The following ODF2L variants were observed in gnomAD, a reference collection of about 807,000 sequenced individuals.
The protein encoded by ODF2L is outer dense fiber of sperm tails 2 like.
A neutral mutation model predicts 86.3 loss-of-function variants in ODF2L; 76 were observed. The observed-to-expected ratio is 0.88, with a 90% CI of 0.73 to 1.07. The LOEUF (loss-of-function observed/expected upper bound fraction) is 1.07. Ranked by LOEUF, ODF2L falls within the 50% of genes least tolerant of loss-of-function variation. The pLI is 0.00. For synonymous variants in ODF2L, 241 were observed against 231.3 expected, an observed-to-expected ratio of 1.04 and a Z score of -0.38; for missense variants, 748 against 717.4, an observed-to-expected ratio of 1.04 and a Z score of -0.49.
At position 86,363,926 on chromosome 1, in the gene ODF2L, A is replaced by G. The variant is rs76702363; in HGVS notation, c.1144-3390T>C. 1.9e-3 allele frequency among the ~76,000 whole-genome samples: 283 copies of G among 152,228 alleles called. 9 individuals carry two copies. In the East Asian group the frequency reaches 0.049, roughly 26 times the overall value. Reference sequence around the variant, plus strand: ...CAACTTTAAAATCTAAAACTATTCTAAAGTAATTAAAAGTAATAAAACACA... The same window carrying G: ...CAACTTTAAAATCTAAAACTATTCTGAAGTAATTAAAAGTAATAAAACACA... On this transcript the variant is annotated intron_variant, in intron 11 of 17. Transcript: ENST00000317336.
exon 18 of ODF2L, chr1:86,351,997 G>T: frequency 7.8e-7 from 1 of 1,288,916 alleles, no homozygotes; most frequent in Non-Finnish European, 9.9e-7. Context: ...AAGTCAAATG[G>T]TGAGTTAAAA....
intron 13 of ODF2L, 26 bp from the exon 13 acceptor site, chr1:86,356,628 G>A (rs1658586037): frequency 1.3e-6 from 2 of 1,594,676 alleles, no homozygotes; most frequent in Non-Finnish European, 8.6e-7. Context: ...AGGGAAATAA[G>A]TGCAAGATCA....
intron 4 of ODF2L, among the ~76,000 whole-genome samples, chr1:86,383,862 TTGA>T (rs1355518094): frequency 5.3e-5 from 8 of 151,722 alleles, no homozygotes; most frequent in African/African-American, 1.9e-4. Context: ...TGAGAAAATA[TTGA>T]TGATACAGTG....
At chr1:86,361,481 A>G (rs72949874) in intron 11 of ODF2L, among the ~76,000 whole-genome samples, 2,980 of 152,342 alleles carry the variant, frequency 0.02, 97 homozygotes, top group African/African-American at 0.069. Flanking sequence ...GACAGTCTAC[A>G]TGGACAATAT....
intron 7 of ODF2L, among the ~76,000 whole-genome samples, chr1:86,378,794 T>C (rs955451964): frequency 6.6e-6 from 1 of 151,966 alleles, no homozygotes; most frequent in Non-Finnish European, 1.5e-5. Context: ...CCTAGACAGA[T>C]GGGGATTCTG....
intron 3 of ODF2L, 63 bp downstream of exon 3, chr1:86,385,395 A>T: frequency 1.0e-6 from 1 of 992,900 alleles, no homozygotes; most frequent in Non-Finnish European, 1.5e-6. Flanking sequence ...ATGAGACCTC[A>T]GTTAATGCAT....
Position 86,351,782 on chromosome 1 carries a change from T to C in ODF2L, c.*409A>G, listed in dbSNP as rs192129943. On this transcript the variant is annotated 3_prime_UTR_variant, in exon 18 of 18. Transcript: ENST00000317336. Reference sequence around the variant, plus strand: ...TCTTATTTCCTTAAGCAGTGGTTTGTAGTTCTCCTTGAAGAGGTCCTTCAC... The same window carrying C: ...TCTTATTTCCTTAAGCAGTGGTTTGCAGTTCTCCTTGAAGAGGTCCTTCAC... 7 of 400,978 alleles carry C rather than the reference T, an allele frequency of 1.7e-5. No homozygotes were observed. The East Asian group carries it at 4.7e-4, about 27-fold the overall frequency. 24.8% of individuals were successfully genotyped at this position (400,978 alleles called of 1,614,324 possible).
exon 18 of ODF2L, chr1:86,350,230 A>G (rs1658031998): frequency 6.6e-6 from 1 of 152,382 alleles, no homozygotes; most frequent in Non-Finnish European, 1.5e-5. Context: ...TACATTAGGA[A>G]TTTCTAATGT....
At chr1:86,383,136 T>A in exon 5 of ODF2L, 1 of 1,555,084 alleles carries the variant, frequency 6.4e-7, no homozygotes, top group Middle Eastern at 1.7e-4. Flanking sequence ...AGACTTACAG[T>A]ATTTTCACTT....
chr1:86,376,386 C>T (rs760141242), exon 8 of ODF2L: 2 of 1,602,022 alleles, frequency 1.2e-6, no homozygotes, highest in Non-Finnish European at 1.7e-6. Flanking sequence ...TTCTTGATTG[C>T]AGGTTCCACT....
intron 1 of ODF2L, among the ~76,000 whole-genome samples, chr1:86,388,583 A>T (rs550481253): frequency 2.0e-5 from 3 of 151,974 alleles, no homozygotes; most frequent in Non-Finnish European, 2.9e-5. Context: ...CTTTTTTTTT[A>T]AATTCACCCC....
intron 11 of ODF2L, among the ~76,000 whole-genome samples, chr1:86,364,965 T>C (rs1390118754): frequency 6.6e-6 from 1 of 152,222 alleles, no homozygotes; most frequent in Non-Finnish European, 1.5e-5. Flanking sequence ...CTAGTGCTGC[T>C]AGTGTATTTT....
At chr1:86,358,552 A>G (rs1658768586) in intron 13 of ODF2L, 2 of 208,948 alleles carry the variant, frequency 9.6e-6, no homozygotes, top group African/African-American at 2.3e-5. Flanking sequence ...GAAAAATTAA[A>G]CATTTATGCT....
At chr1:86,396,218 G>A (rs150432008) in exon 1 of ODF2L, 2 of 152,562 alleles carry the variant, frequency 1.3e-5, no homozygotes, top group African/African-American at 4.8e-5. Context: ...AGGAAGGCAA[G>A]GGACGCGAGG....
chr1:86,365,777 G>A (rs1659364183), intron 11 of ODF2L, among the ~76,000 whole-genome samples: 1 of 152,190 alleles, frequency 6.6e-6, no homozygotes, highest in South Asian at 2.1e-4. Flanking sequence ...TCATCTATCT[G>A]TAGAATCTAG....
exon 16 of ODF2L, chr1:86,354,591 G>T (rs924925452): frequency 1.2e-6 from 2 of 1,609,090 alleles, no homozygotes; most frequent in African/African-American, 1.3e-5. Context: ...ATACTCTGCA[G>T]ATTTCTCTTT....
chr1:86,387,681 C>T (rs879432638), intron 1 of ODF2L, among the ~76,000 whole-genome samples: 6 of 152,082 alleles, frequency 3.9e-5, no homozygotes, highest in Non-Finnish European at 7.4e-5. Flanking sequence ...TTTACTCACA[C>T]CTGTAGATGT....
exon 16 of ODF2L, chr1:86,354,585 T>G: frequency 1.2e-6 from 2 of 1,608,300 alleles, no homozygotes; most frequent in Non-Finnish European, 1.7e-6. Context: ...TGCTGTATAC[T>G]CTGCAGATTT....
At chr1:86,388,708 A>T (rs1307012566) in intron 1 of ODF2L, among the ~76,000 whole-genome samples, 3 of 152,176 alleles carry the variant, frequency 2.0e-5, no homozygotes, top group East Asian at 3.8e-4. Flanking sequence ...ATATTTTACA[A>T]GATAACACTA....
Sources: allele counts gnomAD v4.1 joint callset (sites outside exome capture counted in the v4.1 genomes callset), GRCh38; gene constraint gnomAD v4.1.1; transcripts MANE v1.5; gene names NCBI Gene and HGNC (gene_info 2026-07-23, HGNC 2026-07-21).